Variants in SCTR observed in about 807,000 individuals in gnomAD.
SCTR encodes secretin receptor.
SCTR carries 56 observed loss-of-function variants against 60.8 expected under a neutral mutation model. The observed-to-expected ratio is 0.92, with a 90% CI of 0.74 to 1.15. The LOEUF is 1.15. Among genes scored for constraint, SCTR ranks in the 50% most tolerant of loss-of-function variants. SCTR has a pLI of 0.00. For missense variants in SCTR, 562 were observed against 550.4 expected (o/e 1.02, Z -0.21); for synonymous variants, 202 against 217.0 (o/e 0.93, Z 0.61).
intron 5 of SCTR, 115 bp downstream of exon 5, chr2:119,465,674 G>A: frequency 4.2e-6 from 3 of 707,588 alleles, no homozygotes; most frequent in Non-Finnish European, 5.1e-6. Flanking sequence ...TAGATCAAGA[G>A]ACGACAAGGT....
At chr2:119,447,572 T>G (rs529531555) in intron 10 of SCTR, among the ~76,000 whole-genome samples, 4 of 152,290 alleles carry the variant, frequency 2.6e-5, no homozygotes, top group African/African-American at 9.6e-5. Flanking sequence ...GTTTTTGTTT[T>G]GTTTTTTTCT....
At chr2:119,480,202 T>C (rs561486975) in intron 2 of SCTR, among the ~76,000 whole-genome samples, 2 of 152,378 alleles carry the variant, frequency 1.3e-5, no homozygotes, top group African/African-American at 4.8e-5. Flanking sequence ...GTTTTCATGC[T>C]GCTGATAAAG....
chr2:119,513,115 C>T (rs1240867432), intron 1 of SCTR, among the ~76,000 whole-genome samples: 2 of 152,220 alleles, frequency 1.3e-5, no homozygotes, highest in African/African-American at 4.8e-5. Flanking sequence ...GTGGACTCTC[C>T]TCAGTGTCTG....
intron 2 of SCTR, chr2:119,479,877 G>A (rs1677520312): frequency 6.6e-6 from 1 of 152,146 alleles, no homozygotes; most frequent in Non-Finnish European, 1.5e-5. Flanking sequence ...TCTGAAAACT[G>A]AAAGATTTTA....
At chr2:119,511,431 T>G (rs1400611564) in intron 1 of SCTR, among the ~76,000 whole-genome samples, 1 of 152,230 alleles carries the variant, frequency 6.6e-6, no homozygotes, top group African/African-American at 2.4e-5. Context: ...TATTGTTCGC[T>G]GCTGAGTCAA....
chr2:119,478,764 G>A (rs746679938), intron 3 of SCTR, 47 bp downstream of exon 3: 1 of 1,594,462 alleles, frequency 6.3e-7, no homozygotes, highest in Admixed American at 1.7e-5. Flanking sequence ...CCACCCAGAG[G>A]GACACCCCTC....
chr2:119,483,979 G>A (rs1286925988), intron 2 of SCTR, among the ~76,000 whole-genome samples: 1 of 152,066 alleles, frequency 6.6e-6, no homozygotes, highest in Admixed American at 6.5e-5. Flanking sequence ...GCAGGGGAGA[G>A]CGCTCCCAGC....
intron 9 of SCTR, among the ~76,000 whole-genome samples, chr2:119,451,383 C>G (rs1683164452): frequency 6.6e-6 from 1 of 152,140 alleles, no homozygotes; most frequent in African/African-American, 2.4e-5. Context: ...GTACCCAGGC[C>G]TCTTGCCAGA....
chr2:119,463,389 G>T (rs1312010309), intron 6 of SCTR, among the ~76,000 whole-genome samples: 1 of 152,162 alleles, frequency 6.6e-6, no homozygotes, highest in Non-Finnish European at 1.5e-5. Context: ...AACACAGACA[G>T]GAGGCCTGGG....
intron 3 of SCTR, among the ~76,000 whole-genome samples, chr2:119,477,213 T>A (rs995045384): frequency 7.9e-5 from 12 of 152,188 alleles, no homozygotes; most frequent in African/African-American, 2.9e-4. Flanking sequence ...AGTTAGATGT[T>A]GCCATGTGAC....
intron 2 of SCTR, among the ~76,000 whole-genome samples, chr2:119,483,583 C>A (rs1677731129): frequency 6.6e-6 from 1 of 152,210 alleles, no homozygotes; most frequent in African/African-American, 2.4e-5. Context: ...GTGCGATGAG[C>A]TCACCACTCA....
At chr2:119,514,575 C>G (rs1261156373) in intron 1 of SCTR, among the ~76,000 whole-genome samples, 1 of 152,082 alleles carries the variant, frequency 6.6e-6, no homozygotes, top group African/African-American at 2.4e-5. Flanking sequence ...TAATAAAAAT[C>G]TTTTAAATTC....
chr2:119,473,739 T>G (rs1468616395), intron 3 of SCTR, among the ~76,000 whole-genome samples, 183 bp from the exon 4 acceptor site: 1 of 152,146 alleles, frequency 6.6e-6, no homozygotes, highest in East Asian at 1.9e-4. Flanking sequence ...ATTTGAACCC[T>G]GGGGCTCGGG....
chr2:119,479,322 G>C (rs1295015972), intron 2 of SCTR: 21 of 989,092 alleles, frequency 2.1e-5, no homozygotes, highest in Non-Finnish European at 4.8e-6. Context: ...ACTACCTGGG[G>C]AGCTTTAGAA....
chr2:119,498,366 T>TA (rs1268713732), intron 1 of SCTR, among the ~76,000 whole-genome samples: 3 of 152,086 alleles, frequency 2.0e-5, no homozygotes, highest in African/African-American at 7.2e-5. Context: ...AAAGAATGGC[T>TA]AAAAGAACTT....
At chr2:119,485,196 C>T (rs1677812120) in intron 2 of SCTR, among the ~76,000 whole-genome samples, 2 of 152,254 alleles carry the variant, frequency 1.3e-5, no homozygotes, top group Admixed American at 1.3e-4. Context: ...TGTCTGCCAT[C>T]CCAGGAGAAT....
At chr2:119,518,919 T>G (rs1679194922) in intron 1 of SCTR, among the ~76,000 whole-genome samples, 1 of 152,090 alleles carries the variant, frequency 6.6e-6, no homozygotes, top group Non-Finnish European at 1.5e-5. Flanking sequence ...AGGGTGAGGT[T>G]GGGAAGTTCT....
rs148188153 is a variant in SCTR, at chr2:119,472,886, A to G, written c.405+567T>C. ...GGCAATCCTCCCACCTCATCCTCCC[A>G]AAGTGCTGGGATTATAGGTGTAAGC... On this transcript the variant is annotated intron_variant, in intron 4 of 12. Transcript: ENST00000019103. Among the ~76,000 whole-genome samples, 686 of 152,296 alleles carry G rather than the reference A, an allele frequency of 4.5e-3. 3 individuals carry two copies. The highest frequency in any genetic ancestry group is 6.7e-3 in the Non-Finnish European group (456 of 68,026).
At chr2:119,451,940 GC>G in intron 9 of SCTR, 69 bp downstream of exon 9, 1 of 944,322 alleles carries the variant, frequency 1.1e-6, no homozygotes, top group Non-Finnish European at 1.7e-6. Flanking sequence ...TCCACCCTCT[GC>G]CCCTGTGGGC....
Sources: allele counts gnomAD v4.1 joint callset (sites outside exome capture counted in the v4.1 genomes callset), GRCh38; gene constraint gnomAD v4.1.1; transcripts MANE v1.5; gene names NCBI Gene and HGNC (gene_info 2026-07-23, HGNC 2026-07-21).